Variants in KCNT2 observed in about 807,000 individuals in gnomAD.
KCNT2 encodes the protein potassium sodium-activated channel subfamily T member 2.
A neutral mutation model predicts 153.8 loss-of-function variants in KCNT2; 67 were observed. The observed-to-expected ratio is 0.44, with a 90% CI of 0.36 to 0.53. The LOEUF is 0.53. KCNT2 is among the 20% of genes least tolerant of loss of function. KCNT2 has a pLI of 0.00. For missense variants in KCNT2, 975 were observed against 1,354.8 expected, an observed-to-expected ratio of 0.72 and a Z score of 4.40; for synonymous variants, 500 against 458.8, an observed-to-expected ratio of 1.09 and a Z score of -1.15.
chr1:196,428,780 T>C (rs888017820), intron 9 of KCNT2, among the ~76,000 whole-genome samples: 2 of 152,092 alleles, frequency 1.3e-5, no homozygotes, highest in Admixed American at 1.3e-4. Flanking sequence ...GCAGGTATTC[T>C]ATTCAGATAC....
intron 1 of KCNT2, among the ~76,000 whole-genome samples, chr1:196,519,030 A>G (rs939729198): frequency 2.0e-5 from 3 of 152,172 alleles, no homozygotes; most frequent in African/African-American, 7.2e-5. Flanking sequence ...AAAATTGACC[A>G]TACAATCCAA....
chr1:196,370,467 A>G (rs1204078403), intron 14 of KCNT2, among the ~76,000 whole-genome samples: 1 of 152,118 alleles, frequency 6.6e-6, no homozygotes, highest in African/African-American at 2.4e-5. Context: ...AGTTTTAATC[A>G]GCCTTGGGAA....
chr1:196,299,607 C>T (rs187651248), intron 22 of KCNT2, among the ~76,000 whole-genome samples: 1 of 151,978 alleles, frequency 6.6e-6, no homozygotes, highest in Non-Finnish European at 1.5e-5. Context: ...ATAACAAATG[C>T]TAGCAAGGAT....
intron 27 of KCNT2, among the ~76,000 whole-genome samples, chr1:196,228,565 C>T (rs1404578582): frequency 6.6e-6 from 1 of 152,042 alleles, no homozygotes; most frequent in Non-Finnish European, 1.5e-5. Context: ...GCTGATGAAT[C>T]AAGCACTATT....
chr1:196,380,607 T>C (rs1158583127), intron 13 of KCNT2, among the ~76,000 whole-genome samples: 1 of 152,132 alleles, frequency 6.6e-6, no homozygotes, highest in East Asian at 1.9e-4. Context: ...CAAATATCCT[T>C]TGGAAAATGG....
chr1:196,441,159 G>A (rs934479203), intron 8 of KCNT2, among the ~76,000 whole-genome samples: 24 of 151,630 alleles, frequency 1.6e-4, no homozygotes, highest in Admixed American at 2.6e-4. Context: ...AACTGAAACC[G>A]TGTTAAATCT....
At chr1:196,600,831 T>C (rs1462689340) in intron 1 of KCNT2, among the ~76,000 whole-genome samples, 1 of 152,216 alleles carries the variant, frequency 6.6e-6, no homozygotes, top group Non-Finnish European at 1.5e-5. Flanking sequence ...TGGCCTTGCT[T>C]ATCCATCTCT....
intron 2 of KCNT2, 141 bp downstream of exon 2, chr1:196,492,121 A>G: frequency 1.2e-6 from 1 of 824,074 alleles, no homozygotes; most frequent in South Asian, 2.2e-5. Context: ...AAAATAACCA[A>G]TTTTATTCCT....
At chr1:196,531,077 C>T (rs1014686883) in intron 1 of KCNT2, among the ~76,000 whole-genome samples, 2 of 152,068 alleles carry the variant, frequency 1.3e-5, no homozygotes, top group African/African-American at 4.8e-5. Context: ...CGGAGATGAA[C>T]AACCATGTCC....
chr1:196,448,285 T>C (rs1051345357), intron 8 of KCNT2, among the ~76,000 whole-genome samples: 8 of 151,612 alleles, frequency 5.3e-5, no homozygotes, highest in African/African-American at 1.9e-4. Context: ...TTAAAAGAGA[T>C]AATGCAAGCA....
chr1:196,426,066 A>G (rs147722499), intron 10 of KCNT2, 78 bp from the exon 11 acceptor site: 1 of 1,135,540 alleles, frequency 8.8e-7, no homozygotes, highest in African/African-American at 1.6e-5. Context: ...AAAATATCTA[A>G]GAAAAATTTG....
At chr1:196,516,662 T>C (rs2148812932) in intron 1 of KCNT2, among the ~76,000 whole-genome samples, 1 of 152,294 alleles carries the variant, frequency 6.6e-6, no homozygotes, top group Non-Finnish European at 1.5e-5. Context: ...AGGTCCCTGA[T>C]CTTATCCTCC....
intron 6 of KCNT2, among the ~76,000 whole-genome samples, chr1:196,468,424 G>A (rs991787423): frequency 1.2e-4 from 19 of 152,016 alleles, no homozygotes; most frequent in Non-Finnish European, 2.2e-4. Flanking sequence ...ATTAAATTGC[G>A]ATTAAAATAT....
rs28516655 is a variant in KCNT2 at position 196,593,343 on chromosome 1, T to C, written c.95+14872A>G. ...ACACACACACACACACACACACACA[T>C]ATATATGTGTATATATGTATTTTTT... On this transcript the variant is annotated intron_variant, in intron 1 of 27. Transcript: ENST00000294725. Among the ~76,000 whole-genome samples the C allele has an allele frequency of 1.8e-3, 224 of 121,860 alleles. 1 individual carries two copies. The East Asian group carries it at 0.019, about 11-fold the overall frequency. 79.9% of individuals were successfully genotyped at this position (121,860 alleles called of 152,430 possible).
At chr1:196,420,730 A>G (rs1288728572) in intron 12 of KCNT2, among the ~76,000 whole-genome samples, 1 of 152,000 alleles carries the variant, frequency 6.6e-6, no homozygotes, top group African/African-American at 2.4e-5. Flanking sequence ...CCAGGCTGTA[A>G]TGCTTCTCAG....
At chr1:196,497,502 A>C (rs942797933) in intron 1 of KCNT2, among the ~76,000 whole-genome samples, 5 of 152,164 alleles carry the variant, frequency 3.3e-5, no homozygotes, top group African/African-American at 1.2e-4. Context: ...GAGGCTGTAC[A>C]TAGATTATTA....
intron 2 of KCNT2, 90 bp from the exon 3 acceptor site, chr1:196,490,027 A>G (rs1679739742): frequency 3.3e-6 from 2 of 605,644 alleles, no homozygotes; most frequent in Non-Finnish European, 5.8e-6. Context: ...ATTTAAATAC[A>G]GCACTTAAAT....
intron 14 of KCNT2, among the ~76,000 whole-genome samples, chr1:196,355,720 A>G (rs1667121930): frequency 6.6e-6 from 1 of 151,778 alleles, no homozygotes; most frequent in African/African-American, 2.4e-5. Flanking sequence ...AAGACTTTTC[A>G]TCTACTTTTT....
chr1:196,374,485 AT>A (rs1158082669), intron 13 of KCNT2, among the ~76,000 whole-genome samples: 5 of 151,744 alleles, frequency 3.3e-5, no homozygotes, highest in African/African-American at 1.2e-4. Flanking sequence ...ATATGTCAGG[AT>A]TTACTCAAAA....
Sources: gnomAD v4.1 joint callset for allele counts (sites outside exome capture counted in the v4.1 genomes callset) on GRCh38, gnomAD v4.1.1 for gene constraint, MANE v1.5 for transcripts, NCBI Gene and HGNC (gene_info 2026-07-23, HGNC 2026-07-21) for gene names.